Variants in PTPRM observed in about 807,000 individuals in gnomAD.
PTPRM encodes receptor-type tyrosine-protein phosphatase mu.
PTPRM carries 47 observed loss-of-function variants against 186.7 expected under a neutral mutation model. That is an observed-to-expected ratio of 0.25 (90% CI 0.20 to 0.32). The LOEUF is 0.32. Among genes scored for constraint, PTPRM ranks in the 10% least tolerant of loss-of-function variants. The pLI, the probability that PTPRM is intolerant of heterozygous loss-of-function variation, is 1.00. For missense variants in PTPRM, 1,494 were observed against 1,865.0 expected (o/e 0.80, Z 3.66); for synonymous variants, 668 against 674.9 (o/e 0.99, Z 0.16).
intron 11 of PTPRM, among the ~76,000 whole-genome samples, chr18:8,090,574 A>G (rs2090662904): frequency 6.6e-6 from 1 of 152,172 alleles, no homozygotes; most frequent in Admixed American, 6.5e-5. Flanking sequence ...CTTTGTATAG[A>G]TCTTTCCAAG....
At chr18:8,169,262 C>T (rs2093364219) in intron 14 of PTPRM, among the ~76,000 whole-genome samples, 1 of 151,816 alleles carries the variant, frequency 6.6e-6, no homozygotes, top group Admixed American at 6.6e-5. Context: ...TTTAAAAGGT[C>T]CTATAGCAGT....
At chr18:7,973,741 TAC>T (rs1332816991) in intron 7 of PTPRM, among the ~76,000 whole-genome samples, 5 of 152,176 alleles carry the variant, frequency 3.3e-5, no homozygotes, top group African/African-American at 1.2e-4. Flanking sequence ...TACTCATTAA[TAC>T]ACACAATAAA....
intron 9 of PTPRM, among the ~76,000 whole-genome samples, chr18:8,079,890 G>C (rs1293692643): frequency 6.6e-6 from 1 of 152,046 alleles, no homozygotes; most frequent in Non-Finnish European, 1.5e-5. Context: ...GCAGTCAACA[G>C]GCTGGTGGCT....
intron 7 of PTPRM, among the ~76,000 whole-genome samples, chr18:7,989,835 T>C (rs2147608899): frequency 6.6e-6 from 1 of 152,296 alleles, no homozygotes; most frequent in South Asian, 2.1e-4. Flanking sequence ...TTTGCTCGCT[T>C]CTTTTGTGAA....
At chr18:7,898,482 C>G (rs1432440934) in intron 3 of PTPRM, among the ~76,000 whole-genome samples, 1 of 152,176 alleles carries the variant, frequency 6.6e-6, no homozygotes, top group Non-Finnish European at 1.5e-5. Flanking sequence ...CTGCATTTCT[C>G]CTGTTTGGCA....
At chr18:8,141,005 CCT>C (rs2092754417) in intron 13 of PTPRM, among the ~76,000 whole-genome samples, 1 of 152,242 alleles carries the variant, frequency 6.6e-6, no homozygotes, top group African/African-American at 2.4e-5. Flanking sequence ...AAAAATATCC[CCT>C]GTCCAAGGCC....
chr18:8,354,434 A>G (rs1356546117), intron 23 of PTPRM, among the ~76,000 whole-genome samples: 1 of 152,150 alleles, frequency 6.6e-6, no homozygotes, highest in Non-Finnish European at 1.5e-5. Flanking sequence ...AAGAGAAGAC[A>G]GCATTTCAAC....
chr18:7,870,495 A>G (rs957359449), intron 2 of PTPRM, among the ~76,000 whole-genome samples: 1 of 152,182 alleles, frequency 6.6e-6, no homozygotes, highest in East Asian at 1.9e-4. Flanking sequence ...GAATAAATGC[A>G]TGGATTTGAC....
intron 20 of PTPRM, among the ~76,000 whole-genome samples, chr18:8,314,475 A>C (rs1174009114): frequency 6.6e-6 from 1 of 152,226 alleles, no homozygotes; most frequent in Non-Finnish European, 1.5e-5. Context: ...CTTCCAGTCC[A>C]AGATCTACTT....
chr18:7,796,625 C>T (rs889507850), intron 2 of PTPRM, among the ~76,000 whole-genome samples: 1 of 152,212 alleles, frequency 6.6e-6, no homozygotes, highest in African/African-American at 2.4e-5. Context: ...TCCTCTGAGG[C>T]TCAATGGCTC....
chr18:8,138,897 C>T (rs561286530), intron 13 of PTPRM, among the ~76,000 whole-genome samples: 11 of 152,236 alleles, frequency 7.2e-5, no homozygotes, highest in African/African-American at 2.4e-4. Context: ...CTGCTCCGTG[C>T]GGATGCTCCC....
At chr18:8,116,125 C>T (rs1047308701) in intron 13 of PTPRM, among the ~76,000 whole-genome samples, 9 of 152,176 alleles carry the variant, frequency 5.9e-5, no homozygotes, top group African/African-American at 1.9e-4. Flanking sequence ...TTAATTATTA[C>T]AGGACGATGA....
intron 14 of PTPRM, among the ~76,000 whole-genome samples, chr18:8,210,880 C>G (rs12457777): frequency 0.18 from 26,775 of 152,012 alleles, 2,492 homozygotes; most frequent in Non-Finnish European, 0.22. Flanking sequence ...GGATAGTTCC[C>G]AAGTAAATAA....
chr18:8,086,484 T>A (rs1230332073), intron 10 of PTPRM, among the ~76,000 whole-genome samples: 2 of 152,196 alleles, frequency 1.3e-5, no homozygotes, highest in Non-Finnish European at 2.9e-5. Flanking sequence ...AGCTGCCATC[T>A]GGTATGGGAT....
At chr18:8,114,451 A>T (rs1247097677) in intron 12 of PTPRM, among the ~76,000 whole-genome samples, 1 of 152,074 alleles carries the variant, frequency 6.6e-6, no homozygotes, top group Non-Finnish European at 1.5e-5. Flanking sequence ...GAAATCTGAG[A>T]TGCATCATGC....
At chr18:8,385,452 G>A (rs2095765934) in intron 30 of PTPRM, among the ~76,000 whole-genome samples, 1 of 152,240 alleles carries the variant, frequency 6.6e-6, no homozygotes, top group Non-Finnish European at 1.5e-5. Context: ...AAGCATGTGT[G>A]CCCTGTGAGC....
intron 11 of PTPRM, among the ~76,000 whole-genome samples, chr18:8,095,970 T>C (rs1447941522): frequency 6.6e-6 from 1 of 152,154 alleles, no homozygotes; most frequent in Non-Finnish European, 1.5e-5. Context: ...GTTCTTAGTG[T>C]CTCTTGTTTG....
intron 9 of PTPRM, among the ~76,000 whole-genome samples, chr18:8,082,522 C>A (rs1433546413): frequency 6.8e-6 from 1 of 146,628 alleles, no homozygotes; most frequent in Non-Finnish European, 1.5e-5. Context: ...TCCCTCTCAC[C>A]CTCCCTCCCT....
At chr18:7,810,676 A>T (rs1010039943) in intron 2 of PTPRM, among the ~76,000 whole-genome samples, 3 of 152,120 alleles carry the variant, frequency 2.0e-5, no homozygotes, top group African/African-American at 7.2e-5. Context: ...ACTGTCTGTG[A>T]AGTTTGCAGG....
Sources: allele counts gnomAD v4.1 joint callset (sites outside exome capture counted in the v4.1 genomes callset), GRCh38; gene constraint gnomAD v4.1.1; transcripts MANE v1.5; gene names NCBI Gene and HGNC (gene_info 2026-07-23, HGNC 2026-07-21).